KCTD1: variants seen among roughly 807,000 people sequenced by gnomAD.
The protein encoded by KCTD1 is potassium channel tetramerization domain containing 1.
In KCTD1, 24 loss-of-function variants were observed where a neutral mutation model predicts 66.0. The ratio of observed to expected loss-of-function variants is 0.36; its 90% CI spans 0.26 to 0.51. The LOEUF (loss-of-function observed/expected upper bound fraction) is 0.51, where lower values mean the gene tolerates loss of function less well. Ranked by LOEUF, KCTD1 falls within the 20% of genes least tolerant of loss-of-function variation. The pLI is 0.95. For missense variants in KCTD1, 943 were observed against 1,205.2 expected, an observed-to-expected ratio of 0.78 and a Z score of 3.22; for synonymous variants, 511 against 517.2, an observed-to-expected ratio of 0.99 and a Z score of 0.16.
chr18:26,501,695 G>C (rs1177070917), intron 1 of KCTD1, among the ~76,000 whole-genome samples: 1 of 152,156 alleles, frequency 6.6e-6, no homozygotes, highest in African/African-American at 2.4e-5. Flanking sequence ...AATAAAAACA[G>C]ACCTCTGACA....
At chr18:26,506,567 G>A (rs902220651) in intron 1 of KCTD1, among the ~76,000 whole-genome samples, 3 of 152,184 alleles carry the variant, frequency 2.0e-5, no homozygotes, top group African/African-American at 7.2e-5. Flanking sequence ...TTTCTCCAAG[G>A]TTGAGGGATA....
chr18:26,603,572 G>T (rs577517932), intron 1 of KCTD1, among the ~76,000 whole-genome samples: 1 of 151,718 alleles, frequency 6.6e-6, no homozygotes, highest in African/African-American at 2.4e-5. Context: ...ATGAAACCCC[G>T]CCTCAACTAA....
chr18:26,648,416 G>A (rs1987969183), intron 1 of KCTD1, among the ~76,000 whole-genome samples: 1 of 152,196 alleles, frequency 6.6e-6, no homozygotes, highest in Non-Finnish European at 1.5e-5. Flanking sequence ...TTATCGCTAA[G>A]TCAGTTACAG....
chr18:26,610,641 G>A (rs1987116632), intron 1 of KCTD1, among the ~76,000 whole-genome samples: 2 of 149,422 alleles, frequency 1.3e-5, no homozygotes, highest in South Asian at 2.1e-4. Context: ...AAGGAGGGAG[G>A]GAGAGAAGGG....
intron 1 of KCTD1, among the ~76,000 whole-genome samples, chr18:26,639,611 T>C (rs1987793194): frequency 6.6e-6 from 1 of 152,132 alleles, no homozygotes; most frequent in Non-Finnish European, 1.5e-5. Flanking sequence ...TCAATAACAT[T>C]ATTGTATTCT....
intron 1 of KCTD1, among the ~76,000 whole-genome samples, chr18:26,514,549 C>CAA (rs200444964): frequency 0.057 from 6,830 of 120,692 alleles, 303 homozygotes; most frequent in African/African-American, 0.12. Flanking sequence ...GACCTTGTCT[C>CAA]AAAAAAAAAA....
At chr18:26,556,098 T>C (rs558156168) in intron 1 of KCTD1, among the ~76,000 whole-genome samples, 3 of 152,356 alleles carry the variant, frequency 2.0e-5, no homozygotes, top group South Asian at 4.1e-4. Context: ...ATTGACTTAC[T>C]TTTTCTTAGG....
upstream of KCTD1, among the ~76,000 whole-genome samples, chr18:26,643,941 G>C (rs1987884696): frequency 6.6e-6 from 1 of 151,944 alleles, no homozygotes; most frequent in Non-Finnish European, 1.5e-5. Flanking sequence ...CAGCCTGGGT[G>C]ACAGAGTGAG....
At chr18:26,499,134 T>G (rs1035919065) in intron 2 of KCTD1, among the ~76,000 whole-genome samples, 1 of 152,216 alleles carries the variant, frequency 6.6e-6, no homozygotes, top group Non-Finnish European at 1.5e-5. Flanking sequence ...TTACAGAAAC[T>G]GAAGCAAAAG....
rs1985323994 is a variant in KCTD1, at chr18:26,547,786, T to G, written c.751A>C (p.Thr251Pro). 3.9e-6 allele frequency: 6 copies of G among 1,541,368 alleles called. No individual in the cohort carries two copies. The highest frequency in any genetic ancestry group is 2.0e-5 in the Admixed American group (1 of 50,966). The stretch of plus-strand genomic sequence containing the variant: ...GCGCTGCGCAGCTCGGGGTCCTTGG[T>G]GAGGTCGAGCGTGCGGCAGTACGGG... Reference protein sequence around the residue: ...EPPYCRTLDLTKDPELRSANL... With the variant: ...EPPYCRTLDLPKDPELRSANL... The change falls in exon 1 of 5, where the codon ACC (threonine) becomes CCC (proline). Residue 251 changes from threonine to proline, a missense_variant. Transcript: ENST00000580059.
intron 1 of KCTD1, chr18:26,599,825 A>G (rs1986848715): frequency 3.2e-6 from 5 of 1,558,298 alleles, no homozygotes; most frequent in Non-Finnish European, 4.4e-6. Context: ...GAGGAAATAC[A>G]GTCTGTTCGA....
Position 26,634,849 on chromosome 18 carries a change from A to G in KCTD1, c.-107+5462T>C, listed in dbSNP as rs141449833. Among the ~76,000 whole-genome samples the G allele has an allele frequency of 8.6e-4, 131 of 152,336 alleles. 1 individual carries two copies. The highest frequency in any genetic ancestry group is 3.4e-3 in the Middle Eastern group (1 of 294). ...AGGAATTGGCCAACCATGGATCTGA[A>G]TGCGGGCAGTCTAACTCCACAAACC... is the stretch of plus-strand genomic sequence containing the variant. On this transcript the variant is annotated intron_variant, in intron 1 of 5. Coordinates refer to the KCTD1 transcript ENST00000579973.
chr18:26,593,139 G>T (rs1273940674), intron 1 of KCTD1, among the ~76,000 whole-genome samples: 1 of 152,172 alleles, frequency 6.6e-6, no homozygotes, highest in Non-Finnish European at 1.5e-5. Flanking sequence ...CATGGCTCAG[G>T]TTAACACCAA....
At chr18:26,533,979 G>A (rs984756760) in intron 1 of KCTD1, among the ~76,000 whole-genome samples, 3 of 152,062 alleles carry the variant, frequency 2.0e-5, no homozygotes, top group African/African-American at 7.2e-5. Context: ...TTGGAATATG[G>A]TTTACTGGTA....
At chr18:26,478,206 T>C (rs147526059) in intron 2 of KCTD1, among the ~76,000 whole-genome samples, 257 of 152,368 alleles carry the variant, frequency 1.7e-3, no homozygotes, top group Admixed American at 3.9e-3. Context: ...CTATATTAAG[T>C]GCTTTCCAGA....
At chr18:26,635,378 A>G (rs1285669786) in intron 1 of KCTD1, among the ~76,000 whole-genome samples, 1 of 152,252 alleles carries the variant, frequency 6.6e-6, no homozygotes, top group Non-Finnish European at 1.5e-5. Flanking sequence ...TGCAACAGGC[A>G]TATTCTTGCT....
chr18:26,461,712 C>CAATG (rs1221441758), intron 3 of KCTD1, among the ~76,000 whole-genome samples: 6 of 152,216 alleles, frequency 3.9e-5, no homozygotes, highest in African/African-American at 1.4e-4. Flanking sequence ...TTTTAAACAG[C>CAATG]AATGAGAGTT....
At chr18:26,636,582 G>A (rs781739215) in intron 1 of KCTD1, among the ~76,000 whole-genome samples, 119 of 152,242 alleles carry the variant, frequency 7.8e-4, no homozygotes, top group Non-Finnish European at 1.4e-3. Flanking sequence ...AAAAGTAATC[G>A]CGGTTCTTCT....
chr18:26,464,818 C>G (rs149899428), intron 3 of KCTD1, among the ~76,000 whole-genome samples: 3,199 of 152,268 alleles, frequency 0.021, 50 homozygotes, highest in Middle Eastern at 0.078. Context: ...CCCTAGCAGG[C>G]AGGGCACCTA....
Sources: gnomAD v4.1 joint callset for allele counts (sites outside exome capture counted in the v4.1 genomes callset) on GRCh38, gnomAD v4.1.1 for gene constraint, MANE v1.5 for transcripts, NCBI Gene and HGNC (gene_info 2026-07-23, HGNC 2026-07-21) for gene names.